Variants in SLC39A11 observed in about 807,000 individuals in gnomAD.
SLC39A11 encodes the protein zinc transporter ZIP11.
In SLC39A11, 33 loss-of-function variants were observed where a neutral mutation model predicts 36.1. The observed-to-expected ratio is 0.91, with a 90% CI of 0.69 to 1.22. SLC39A11 has a LOEUF of 1.22. Among genes scored for constraint, SLC39A11 ranks in the 50% most tolerant of loss-of-function variants. SLC39A11 has a pLI of 0.00. For missense variants in SLC39A11, 432 were observed against 430.3 expected, an observed-to-expected ratio of 1.00 and a Z score of -0.03; for synonymous variants, 166 against 170.3, an observed-to-expected ratio of 0.97 and a Z score of 0.20.
At position 72,830,402 on chromosome 17, in the gene SLC39A11, C is replaced by T. The variant is rs568797623; in HGVS notation, c.601+19232G>A. On this transcript the variant is annotated intron_variant, in intron 6 of 9. Coordinates refer to ENST00000255559, the MANE Select transcript of SLC39A11 (RefSeq NM_139177.4). ...CCATGCAAAACTCAACACTGTTTGT[C>T]AACGTGGGTACTAACTCGGCTGTGT... 6.6e-5 allele frequency among the ~76,000 whole-genome samples: 10 copies of T among 152,138 alleles called. No homozygotes were observed. The South Asian group carries it at 2.1e-3, about 32-fold the overall frequency.
At chr17:73,008,986 G>A (rs2090347399) in intron 4 of SLC39A11, among the ~76,000 whole-genome samples, 1 of 148,508 alleles carries the variant, frequency 6.7e-6, no homozygotes, top group Non-Finnish European at 1.5e-5. Context: ...AGTTGAGCCT[G>A]GGGCCCTTAA....
At chr17:72,755,381 C>T (rs765509818) in intron 6 of SLC39A11, among the ~76,000 whole-genome samples, 19 of 152,212 alleles carry the variant, frequency 1.2e-4, no homozygotes, top group Non-Finnish European at 7.3e-5. Context: ...GTTAGGGCTA[C>T]GCCTGTCAGG....
At chr17:72,654,988 C>A (rs2070041105) in intron 7 of SLC39A11, among the ~76,000 whole-genome samples, 1 of 152,216 alleles carries the variant, frequency 6.6e-6, no homozygotes, top group African/African-American at 2.4e-5. Flanking sequence ...CCCTGGCAAG[C>A]CTCGTTACCT....
At chr17:72,981,426 C>A (rs946090720) in intron 4 of SLC39A11, among the ~76,000 whole-genome samples, 3 of 152,012 alleles carry the variant, frequency 2.0e-5, no homozygotes, top group Middle Eastern at 3.2e-3. Context: ...TTTACATTAA[C>A]GGAGAAAAGA....
At position 72,788,391 on chromosome 17, in the gene SLC39A11, G is replaced by A. The variant is rs79312069; in HGVS notation, c.602-51672C>T. On this transcript the variant is annotated intron_variant, in intron 6 of 9. Transcript: ENST00000255559. ...CTCATATGAGAATGACATGACATTA[G>A]CATCTAGAGGGTCCCTGAAGATTAA... Among the ~76,000 whole-genome samples, 318 of 152,288 alleles carry A rather than the reference G, an allele frequency of 2.1e-3. 2 individuals carry two copies. In the East Asian group the frequency reaches 0.024, roughly 12 times the overall value.
At chr17:73,020,085 T>C (rs1054154489) in intron 4 of SLC39A11, among the ~76,000 whole-genome samples, 2 of 152,234 alleles carry the variant, frequency 1.3e-5, no homozygotes, top group African/African-American at 4.8e-5. Flanking sequence ...TTTCGAGTTA[T>C]GTTTGGAAAA....
chr17:72,862,730 AGGT>A (rs970789125), intron 5 of SLC39A11, among the ~76,000 whole-genome samples: 1 of 151,424 alleles, frequency 6.6e-6, no homozygotes, highest in Non-Finnish European at 1.5e-5. Flanking sequence ...CTGCCCACTA[AGGT>A]TAAAAAAAAA....
chr17:72,817,321 AG>A (rs2077614818), intron 6 of SLC39A11, among the ~76,000 whole-genome samples: 2 of 60,926 alleles, frequency 3.3e-5, no homozygotes, highest in African/African-American at 6.6e-5. Flanking sequence ...AAAAGAAGGG[AG>A]GGAGGGAGGG....
intron 5 of SLC39A11, among the ~76,000 whole-genome samples, chr17:72,873,374 C>T (rs139590749): frequency 1.3e-5 from 2 of 152,266 alleles, no homozygotes; most frequent in East Asian, 3.9e-4. Context: ...ATTTCCTAGC[C>T]CTCTGCCTGC....
At chr17:72,814,639 A>G (rs1021970510) in intron 6 of SLC39A11, among the ~76,000 whole-genome samples, 1 of 152,238 alleles carries the variant, frequency 6.6e-6, no homozygotes, top group Non-Finnish European at 1.5e-5. Flanking sequence ...GACATTTTAG[A>G]AGGTGACTAG....
intron 4 of SLC39A11, among the ~76,000 whole-genome samples, chr17:73,022,618 A>AG (rs2058390944): frequency 6.6e-6 from 1 of 151,144 alleles, no homozygotes; most frequent in East Asian, 1.9e-4. Context: ...AAAAAAAAAA[A>AG]AAGAATCGGC....
chr17:72,872,677 C>T (rs1269135439), intron 5 of SLC39A11, among the ~76,000 whole-genome samples: 1 of 152,142 alleles, frequency 6.6e-6, no homozygotes, highest in Non-Finnish European at 1.5e-5. Flanking sequence ...AAGATGATAA[C>T]AGTCCCTTGC....
chr17:72,675,261 G>A (rs538302152), intron 7 of SLC39A11, among the ~76,000 whole-genome samples: 67 of 152,294 alleles, frequency 4.4e-4, no homozygotes, highest in African/African-American at 1.6e-3. Context: ...ATCAGTGCCT[G>A]TATAAAAGAA....
chr17:72,845,352 G>T (rs755770484), intron 6 of SLC39A11, among the ~76,000 whole-genome samples: 1 of 152,152 alleles, frequency 6.6e-6, no homozygotes, highest in East Asian at 1.9e-4. Flanking sequence ...TGGCCACAGT[G>T]GACTCTTGGC....
chr17:72,865,536 C>T (rs373436296), intron 5 of SLC39A11, among the ~76,000 whole-genome samples: 14 of 150,878 alleles, frequency 9.3e-5, no homozygotes, highest in African/African-American at 2.2e-4. Flanking sequence ...TCCAGGGTAA[C>T]GAGGCTCTCA....
At chr17:72,814,018 C>G (rs1191711423) in intron 6 of SLC39A11, among the ~76,000 whole-genome samples, 1 of 152,176 alleles carries the variant, frequency 6.6e-6, no homozygotes, top group Non-Finnish European at 1.5e-5. Flanking sequence ...AGAACTGTTG[C>G]TGAGAAAAAC....
At chr17:73,079,133 G>A (rs1446600649) in intron 3 of SLC39A11, among the ~76,000 whole-genome samples, 2 of 151,988 alleles carry the variant, frequency 1.3e-5, no homozygotes, top group African/African-American at 2.4e-5. Flanking sequence ...TCACTCTATT[G>A]CCCAGGCTGG....
At chr17:73,074,713 C>G (rs1315304669) in intron 3 of SLC39A11, among the ~76,000 whole-genome samples, 1 of 152,204 alleles carries the variant, frequency 6.6e-6, no homozygotes, top group Non-Finnish European at 1.5e-5. Flanking sequence ...TAACTTCCAA[C>G]AGTGAGCCAG....
chr17:72,916,964 C>G (rs1007911558), intron 5 of SLC39A11, among the ~76,000 whole-genome samples: 2 of 152,148 alleles, frequency 1.3e-5, no homozygotes, highest in African/African-American at 4.8e-5. Flanking sequence ...AAAACATTTG[C>G]AAATTAAAAG....
Sources: gnomAD v4.1 joint callset for allele counts (sites outside exome capture counted in the v4.1 genomes callset) on GRCh38, gnomAD v4.1.1 for gene constraint, MANE v1.5 for transcripts, NCBI Gene and HGNC (gene_info 2026-07-23, HGNC 2026-07-21) for gene names.